Variants in NLGN4X observed in about 807,000 individuals in gnomAD.
NLGN4X encodes the protein neuroligin 4 X-linked, also known as neuroligin-4, X-linked.
A neutral mutation model predicts 40.3 loss-of-function variants in NLGN4X; 3 were observed. The ratio of observed to expected loss-of-function variants is 0.07; its 90% CI spans 0.03 to 0.19. The LOEUF (loss-of-function observed/expected upper bound fraction) is 0.19, where lower values mean the gene tolerates loss of function less well. Ranked by LOEUF, NLGN4X falls within the 10% of genes least tolerant of loss-of-function variation. The pLI is 1.00. For synonymous variants in NLGN4X, 270 were observed against 306.8 expected, an observed-to-expected ratio of 0.88 and a Z score of 1.25; for missense variants, 382 against 708.3, an observed-to-expected ratio of 0.54 and a Z score of 5.23.
At position 5,891,768 on chromosome X, in the gene NLGN4X, A is replaced by ATC. The variant is rs761221692; in HGVS notation, c.*1047_*1048dup. 6.2e-6 allele frequency: 1 copy of ATC among 160,585 alleles called. No individual in the cohort carries two copies. The highest frequency in any genetic ancestry group is 1.3e-4 in the South Asian group (1 of 7,759). The allele number at this position is 160,585 out of a possible 1,213,427, so 13.2% of individuals were successfully genotyped here. On this transcript the variant is annotated 3_prime_UTR_variant, in exon 6 of 6. Transcript: ENST00000381095. ...TAAATACACTCCACTTTGGGGACCC[A>ATC]TCTCTGTACTGCAATTTCATGAAGG...
At chrX:6,162,770 A>G (rs1443897380) in intron 1 of NLGN4X, among the ~76,000 whole-genome samples, 1 of 111,827 alleles carries the variant, frequency 8.9e-6, no homozygotes, top group Non-Finnish European at 1.9e-5. Flanking sequence ...AGCAGATGTA[A>G]CTCAAGGATA....
intron 3 of NLGN4X, among the ~76,000 whole-genome samples, chrX:5,997,611 TACAC>T (rs1480360578): frequency 2.3e-4 from 3 of 13,200 alleles, no homozygotes; most frequent in Non-Finnish European, 4.1e-4. Flanking sequence ...CATATATATA[TACAC>T]ATATATATAT....
At position 5,933,866 on chromosome X, in the gene NLGN4X, CAA is replaced by C. The variant is rs1264937927; in HGVS notation, c.626-24629_626-24628del. Among the ~76,000 whole-genome samples the C allele has an allele frequency of 2.7e-5, 3 of 111,296 alleles. No homozygotes were observed. The East Asian group carries it at 8.4e-4, about 31-fold the overall frequency. On this transcript the variant is annotated intron_variant, in intron 3 of 5. Coordinates refer to ENST00000381095, the MANE Select transcript of NLGN4X (RefSeq NM_181332.3). ...CCTAAGATGAAGAATGCATCCAACT[CAA>C]GAGACAAATTTAAACCCAAAAGATA...
intron 1 of NLGN4X, among the ~76,000 whole-genome samples, chrX:6,162,827 T>C (rs1259529659): frequency 9.0e-6 from 1 of 111,613 alleles, no homozygotes; most frequent in East Asian, 2.8e-4. Context: ...CAAGAGTATA[T>C]GAATATACAC....
At chrX:5,920,511 C>T (rs933126394) in intron 3 of NLGN4X, among the ~76,000 whole-genome samples, 2 of 111,783 alleles carry the variant, frequency 1.8e-5, no homozygotes, top group Non-Finnish European at 3.8e-5. Context: ...TAGTGGCAGT[C>T]AGGGTGGAAG....
At chrX:6,027,492 T>C (rs770506012) in intron 3 of NLGN4X, among the ~76,000 whole-genome samples, 97 of 112,050 alleles carry the variant, frequency 8.7e-4, no homozygotes, top group African/African-American at 2.9e-3. Flanking sequence ...TTGAGTTCTT[T>C]ATCAATGTTT....
At chrX:5,927,528 C>T (rs1191894143) in intron 3 of NLGN4X, among the ~76,000 whole-genome samples, 2 of 112,397 alleles carry the variant, frequency 1.8e-5, no homozygotes, top group Non-Finnish European at 3.8e-5. Flanking sequence ...CTATTCTTGC[C>T]TAGGTCCTCA....
intron 2 of NLGN4X, among the ~76,000 whole-genome samples, chrX:6,082,974 T>G (rs2038400616): frequency 1.1e-5 from 1 of 88,952 alleles, no homozygotes. Flanking sequence ...TTTTTTTTTT[T>G]TTTGAGACGG....
chrX:6,126,438 T>C (rs2039548111), intron 2 of NLGN4X, among the ~76,000 whole-genome samples: 1 of 111,685 alleles, frequency 9.0e-6, no homozygotes, highest in Non-Finnish European at 1.9e-5. Flanking sequence ...AATGTCACCA[T>C]TTTTATGGAA....
chrX:6,009,714 T>C (rs758793769), intron 3 of NLGN4X, among the ~76,000 whole-genome samples: 7 of 112,448 alleles, frequency 6.2e-5, no homozygotes, highest in Non-Finnish European at 1.1e-4. Flanking sequence ...GATCCACTTC[T>C]GCCACTGTCA....
chrX:6,181,601 GC>G (rs1921456938), intron 1 of NLGN4X, among the ~76,000 whole-genome samples: 1 of 111,329 alleles, frequency 9.0e-6, no homozygotes, highest in African/African-American at 3.3e-5. Flanking sequence ...TCCTGAGGTG[GC>G]CCATGTTATC....
intron 2 of NLGN4X, among the ~76,000 whole-genome samples, chrX:6,125,964 A>G (rs138302036): frequency 0.018 from 1,737 of 98,832 alleles, 21 homozygotes; most frequent in Non-Finnish European, 0.027. Context: ...ATATTCCACT[A>G]TAATAGAATA....
chrX:6,187,787 T>C (rs1198729435), intron 1 of NLGN4X: 1 of 111,764 alleles, frequency 8.9e-6, no homozygotes, highest in African/African-American at 3.2e-5. Flanking sequence ...AGGGGAATGG[T>C]CCCTGGTGAG....
chrX:5,910,700 G>T (rs2032435860), intron 3 of NLGN4X, among the ~76,000 whole-genome samples: 1 of 111,476 alleles, frequency 9.0e-6, no homozygotes, highest in African/African-American at 3.3e-5. Flanking sequence ...AATGCTCTGA[G>T]CTGGAAAGGA....
intron 3 of NLGN4X, among the ~76,000 whole-genome samples, chrX:5,942,711 G>A (rs1275320289): frequency 9.2e-6 from 1 of 109,117 alleles, no homozygotes; most frequent in East Asian, 2.9e-4. Context: ...GAAGGGGAGG[G>A]AAGGGGAAAG....
At chrX:6,192,521 C>A (rs1457759685) in intron 1 of NLGN4X, among the ~76,000 whole-genome samples, 1 of 111,644 alleles carries the variant, frequency 9.0e-6, no homozygotes. Flanking sequence ...ATGAATGAAC[C>A]ATCTACCTAA....
intron 3 of NLGN4X, among the ~76,000 whole-genome samples, chrX:6,020,965 C>A (rs1465564406): frequency 9.4e-6 from 1 of 106,247 alleles, no homozygotes; most frequent in Admixed American, 1.0e-4. Context: ...GCATACATCA[C>A]CACATCTGGC....
intron 2 of NLGN4X, among the ~76,000 whole-genome samples, chrX:6,147,291 G>A (rs2040070132): frequency 4.5e-5 from 5 of 111,526 alleles, no homozygotes; most frequent in Admixed American, 2.9e-4. Context: ...AAGGCAATCT[G>A]GACTCACTTG....
chrX:6,033,911 C>G (rs1293937827), intron 2 of NLGN4X, among the ~76,000 whole-genome samples: 1 of 112,292 alleles, frequency 8.9e-6, no homozygotes, highest in African/African-American at 3.3e-5. Context: ...CTGCGTCAAT[C>G]AATCAAGACA....
Sources: allele counts gnomAD v4.1 joint callset (sites outside exome capture counted in the v4.1 genomes callset), GRCh38; gene constraint gnomAD v4.1.1; transcripts MANE v1.5; gene names NCBI Gene and HGNC (gene_info 2026-07-23, HGNC 2026-07-21).